CFAP61: variants seen among roughly 807,000 people sequenced by gnomAD.
CFAP61 encodes the protein cilia and flagella associated protein 61.
Under a neutral mutation model 135.6 loss-of-function variants are expected in CFAP61, and 107 were observed. That is an observed-to-expected ratio of 0.79 (90% confidence interval 0.67 to 0.93). The LOEUF (loss-of-function observed/expected upper bound fraction) is 0.93. Among genes scored for constraint, CFAP61 ranks in the 40% least tolerant of loss-of-function variants. The pLI is 0.00. For synonymous variants in CFAP61, 575 were observed against 578.5 expected (o/e 0.99, Z 0.09); for missense variants, 1,507 against 1,556.2 (o/e 0.97, Z 0.53).
intron 18 of CFAP61, 70 bp from the exon 19 acceptor site, chr20:20,246,047 T>C (rs1227272470): frequency 2.1e-6 from 2 of 958,060 alleles, no homozygotes; most frequent in Non-Finnish European, 3.3e-6. Flanking sequence ...TAAAGTTAAA[T>C]TGAATTATGA....
chr20:20,196,539 G>A, intron 15 of CFAP61, 31 bp from the exon 16 acceptor site: 2 of 1,517,230 alleles, frequency 1.3e-6, no homozygotes, highest in Non-Finnish European at 1.8e-6. Context: ...TAAAATGCTT[G>A]TAGAAACCAT....
At chr20:20,090,798 A>G in intron 6 of CFAP61, 46 bp from the exon 7 acceptor site, 1 of 1,607,018 alleles carries the variant, frequency 6.2e-7, no homozygotes, top group Non-Finnish European at 8.5e-7. Context: ...GTTGAAGGAA[A>G]AAAATGAGTG....
At chr20:20,226,208 A>G (rs1390818180) in intron 17 of CFAP61, 1 of 152,114 alleles carries the variant, frequency 6.6e-6, no homozygotes, top group African/African-American at 2.4e-5. Context: ...ATATTTCCCT[A>G]ACTCATGGAT....
At chr20:20,086,420 G>T (rs1425868082) in intron 6 of CFAP61, among the ~76,000 whole-genome samples, 6 of 147,900 alleles carry the variant, frequency 4.1e-5, no homozygotes, top group African/African-American at 1.5e-4. Context: ...TGCAGTGTTT[G>T]GTTTTTTTGT....
At chr20:20,338,688 T>C (rs2058329978) in intron 25 of CFAP61, among the ~76,000 whole-genome samples, 1 of 152,224 alleles carries the variant, frequency 6.6e-6, no homozygotes, top group Non-Finnish European at 1.5e-5. Flanking sequence ...GTTGGACTTT[T>C]TCCTACAATT....
chr20:20,080,874 C>G (rs2046384107), intron 6 of CFAP61, among the ~76,000 whole-genome samples: 1 of 151,892 alleles, frequency 6.6e-6, no homozygotes. Flanking sequence ...TGGTGGCATG[C>G]ATCTGTAGTC....
intron 17 of CFAP61, among the ~76,000 whole-genome samples, chr20:20,213,106 C>A (rs2047779768): frequency 6.6e-6 from 1 of 152,162 alleles, no homozygotes; most frequent in African/African-American, 2.4e-5. Context: ...CACAAGGAAG[C>A]AGCTAATGCC....
chr20:20,342,013 T>A (rs1389950003), intron 26 of CFAP61, 92 bp downstream of exon 26: 22 of 799,366 alleles, frequency 2.8e-5, no homozygotes, highest in Non-Finnish European at 1.6e-5. Flanking sequence ...TACATTCCCA[T>A]TTTATGGTTT....
intron 24 of CFAP61, among the ~76,000 whole-genome samples, chr20:20,290,694 A>G (rs985319791): frequency 7.9e-5 from 12 of 152,308 alleles, no homozygotes; most frequent in Non-Finnish European, 1.6e-4. Flanking sequence ...CAGCTTGCAC[A>G]CTTCTAGATG....
intron 17 of CFAP61, chr20:20,200,623 A>T: frequency 1.2e-6 from 1 of 820,334 alleles, no homozygotes; most frequent in Non-Finnish European, 1.5e-6. Context: ...ATACTCTTTC[A>T]CTTAAGTAAG....
At chr20:20,068,510 A>G (rs2045474854) in intron 2 of CFAP61, among the ~76,000 whole-genome samples, 1 of 152,172 alleles carries the variant, frequency 6.6e-6, no homozygotes, top group Non-Finnish European at 1.5e-5. Flanking sequence ...CAGTGCTCGT[A>G]TGGGGCCCCT....
Position 20,196,666 on chromosome 20 carries a change from C to G in CFAP61, c.1687C>G (p.Leu563Val), listed in dbSNP as rs556490489. Residue 563 changes from leucine (L) to valine (V), a missense_variant, in exon 16 of 27, where the codon CTC becomes GTC. Coordinates refer to ENST00000245957, the MANE Select transcript of CFAP61 (RefSeq NM_015585.4). ...EEHGHMHHFA[L>V]NPIFRHYTKF... ...ACACGGGCACATGCATCACTTTGCC[C>G]TCAACCCCATTTTCCGGCACTACAC... is the stretch of plus-strand genomic sequence containing the variant. The G allele has an allele frequency of 1.9e-6, 3 of 1,614,034 alleles. No homozygotes were observed. Among genetic ancestry groups the G allele is most frequent in the African/African-American group, 2.7e-5 (2 of 74,912 alleles).
chr20:20,356,690 AGGGGAGGTGGTCACACT>A (rs1313546514), intron 26 of CFAP61, among the ~76,000 whole-genome samples: 2 of 19,964 alleles, frequency 1.0e-4, no homozygotes, highest in African/African-American at 1.9e-4. Context: ...TCATAGTGTG[AGGGGAGGTGGTCACACT>A]GGGGAGGTGG....
At chr20:20,233,156 G>A (rs1486567022) in intron 18 of CFAP61, among the ~76,000 whole-genome samples, 1 of 152,236 alleles carries the variant, frequency 6.6e-6, no homozygotes, top group Non-Finnish European at 1.5e-5. Context: ...ATCCGGCACA[G>A]CTGTGGGCTC....
rs376265523 is a variant in CFAP61 at position 20,298,291 on chromosome 20, C to T, written c.3327C>T (p.Pro1109=). 4.2e-5 allele frequency: 67 copies of T among 1,613,864 alleles called. No individual in the cohort carries two copies. In the Middle Eastern group the frequency reaches 6.6e-4, roughly 16 times the overall value. ...TITCLSREPF[P]ASNYIRLFGQ... ...CGTGCCTTTCTAGGGAGCCCTTCCC[C>T]GCCTCCAACTACATCCGCTTGTTTG... is the stretch of plus-strand genomic sequence containing the variant. Residue 1109 remains proline, a synonymous_variant, in exon 25 of 27, where the codon CCC becomes CCT. Coordinates refer to ENST00000245957, the MANE Select transcript of CFAP61 (RefSeq NM_015585.4).
intron 1 of CFAP61, among the ~76,000 whole-genome samples, chr20:20,054,000 G>GTTTTTTT (rs772688050): frequency 2.0e-5 from 2 of 99,432 alleles, no homozygotes; most frequent in African/African-American, 7.4e-5. Flanking sequence ...CTCTGTGTGT[G>GTTTTTTT]TTTTTTTTGT....
At chr20:20,313,602 G>A (rs1197614443) in intron 25 of CFAP61, among the ~76,000 whole-genome samples, 1 of 152,166 alleles carries the variant, frequency 6.6e-6, no homozygotes, top group African/African-American at 2.4e-5. Flanking sequence ...CATTATACCA[G>A]CCTTAAGTTC....
intron 8 of CFAP61, among the ~76,000 whole-genome samples, chr20:20,099,921 C>T (rs988735495): frequency 6.6e-6 from 1 of 152,130 alleles, no homozygotes; most frequent in Non-Finnish European, 1.5e-5. Context: ...AACATACACA[C>T]TTATCACAGA....
chr20:20,234,833 A>G (rs1308746299), intron 18 of CFAP61, among the ~76,000 whole-genome samples: 1 of 152,060 alleles, frequency 6.6e-6, no homozygotes, highest in East Asian at 1.9e-4. Flanking sequence ...AGTGATTCCA[A>G]AACGCAGAAC....
Sources: allele counts gnomAD v4.1 joint callset (sites outside exome capture counted in the v4.1 genomes callset), GRCh38; gene constraint gnomAD v4.1.1; transcripts MANE v1.5; gene names NCBI Gene and HGNC (gene_info 2026-07-23, HGNC 2026-07-21).